Variants in RSF1 observed in about 807,000 individuals in gnomAD.
The protein encoded by RSF1 is remodeling and spacing factor 1, also known as HBV pX-associated protein 8.
RSF1 carries 13 observed loss-of-function variants against 145.2 expected under a neutral mutation model. The observed-to-expected ratio is 0.09, with a 90% CI of 0.06 to 0.14. RSF1 has a LOEUF of 0.14. RSF1 is among the 10% of genes least tolerant of loss of function. The pLI is 1.00. For missense variants in RSF1, 1,517 were observed against 1,718.2 expected (o/e 0.88, Z 2.07); for synonymous variants, 577 against 592.6 (o/e 0.97, Z 0.38).
chr11:77,855,188 G>A, the RSF1 span, among the ~76,000 whole-genome samples: 1 of 152,212 alleles, frequency 6.6e-6, no homozygotes, highest in Non-Finnish European at 1.5e-5. Flanking sequence ...GTGATGGGAG[G>A]AGCTACTGTG....
Position 77,667,862 on chromosome 11 carries a change from C to A in RSF1, c.3752-371G>T, listed in dbSNP as rs186186759. ...GGGATTACAGGCGCCAGCCACCACG[C>A]CTGGCTAACTTTTTGTATTTTTAGT... On this transcript the variant is annotated intron_variant, in intron 15 of 15. Coordinates refer to ENST00000308488, the MANE Select transcript of RSF1 (RefSeq NM_016578.4). Among the ~76,000 whole-genome samples, 277 of 152,176 alleles carry A rather than the reference C, an allele frequency of 1.8e-3. 3 individuals carry two copies. The highest frequency in any genetic ancestry group is 6.4e-3 in the African/African-American group (264 of 41,524).
chr11:77,865,465 AAG>A, the RSF1 span, among the ~76,000 whole-genome samples: 7 of 152,348 alleles, frequency 4.6e-5, no homozygotes, highest in South Asian at 1.4e-3. Context: ...AGGAAGAGGA[AAG>A]AGAAGAAAAG....
intron 5 of RSF1, among the ~76,000 whole-genome samples, chr11:77,712,195 C>T (rs1288706115): frequency 6.6e-6 from 1 of 152,186 alleles, no homozygotes; most frequent in Admixed American, 6.5e-5. Flanking sequence ...AACTGAATCA[C>T]GGGGGTGGTT....
intron 5 of RSF1, among the ~76,000 whole-genome samples, chr11:77,724,652 G>C (rs1026028736): frequency 2.0e-5 from 3 of 152,104 alleles, no homozygotes; most frequent in South Asian, 2.1e-4. Context: ...GAGGTGGGCT[G>C]GGGGGATGGT....
At chr11:77,795,179 G>A (rs1590891667) in intron 1 of RSF1, among the ~76,000 whole-genome samples, 1 of 152,202 alleles carries the variant, frequency 6.6e-6, no homozygotes, top group Admixed American at 6.5e-5. Flanking sequence ...ATAAAACACT[G>A]ACTGAAAGAA....
intron 1 of RSF1, among the ~76,000 whole-genome samples, chr11:77,799,759 C>A (rs892834478): frequency 2.0e-5 from 3 of 152,050 alleles, no homozygotes; most frequent in African/African-American, 7.2e-5. Context: ...ATTGATAAAC[C>A]TTTAACTAGA....
At chr11:77,769,874 C>G (rs1464373857) in intron 1 of RSF1, among the ~76,000 whole-genome samples, 1 of 152,168 alleles carries the variant, frequency 6.6e-6, no homozygotes, top group Non-Finnish European at 1.5e-5. Flanking sequence ...GTTATGGAAA[C>G]AGTTGACACT....
intron 1 of RSF1, among the ~76,000 whole-genome samples, 175 bp downstream of exon 1, chr11:77,820,353 C>A (rs2136000120): frequency 6.6e-6 from 1 of 152,376 alleles, no homozygotes; most frequent in Non-Finnish European, 1.5e-5. Context: ...CCCGCCTCCC[C>A]ACTGCCCAAG....
At chr11:77,753,139 T>A (rs1292567328) in intron 2 of RSF1, among the ~76,000 whole-genome samples, 1 of 152,238 alleles carries the variant, frequency 6.6e-6, no homozygotes, top group Non-Finnish European at 1.5e-5. Flanking sequence ...CTTTTATTCC[T>A]TTATTTCTTA....
At chr11:77,861,736 G>A in the RSF1 span, among the ~76,000 whole-genome samples, 1 of 152,152 alleles carries the variant, frequency 6.6e-6, no homozygotes, top group African/African-American at 2.4e-5. Context: ...TAGCCTTTCC[G>A]TGTTCCAGAG....
chr11:77,833,922 A>G, the RSF1 span, among the ~76,000 whole-genome samples: 1 of 152,184 alleles, frequency 6.6e-6, no homozygotes, highest in South Asian at 2.1e-4. Flanking sequence ...AGAGTTATAC[A>G]TGTTAGAAGC....
intron 6 of RSF1, among the ~76,000 whole-genome samples, chr11:77,699,055 G>A (rs1473039817): frequency 6.6e-6 from 1 of 152,002 alleles, no homozygotes; most frequent in Non-Finnish European, 1.5e-5. Context: ...CGTCAACAAT[G>A]TACTGTATCT....
At chr11:77,860,128 T>C in the RSF1 span, among the ~76,000 whole-genome samples, 1 of 152,224 alleles carries the variant, frequency 6.6e-6, no homozygotes, top group African/African-American at 2.4e-5. Context: ...ATCCCTGTTT[T>C]TTCTGTGATA....
At chr11:77,711,065 G>T (rs973750279) in intron 5 of RSF1, among the ~76,000 whole-genome samples, 5 of 148,212 alleles carry the variant, frequency 3.4e-5, no homozygotes, top group Non-Finnish European at 7.4e-5. Context: ...GTTTACCAAT[G>T]TCTCTAAGCC....
chr11:77,667,173 A>G lies in RSF1; in HGVS notation c.4070T>C (p.Val1357Ala), dbSNP rs966788949. ...TAAGCTATAGTCCAATGGGCTCCCC[A>G]CTTTGCCTACATTTTCAAAGTCCTC... ...EEEDFENVGK[V>A]GSPLDYSLVD... Residue 1357 changes from valine to alanine, a missense_variant, in exon 16 of 16, where the codon GTG (valine) becomes GCG (alanine). Physicochemically the swap from Val to Ala is moderately conservative, Grantham distance 64 (BLOSUM62 0). This residue lies in a region of RSF1 where 240 missense variants were observed against 231.8 expected (regional missense o/e 1.04). Transcript: ENST00000308488. 3.1e-6 allele frequency: 5 copies of G among 1,613,996 alleles called. No homozygotes were observed. In the African/African-American group the frequency reaches 6.7e-5, roughly 22 times the overall value.
At chr11:77,846,358 C>G in the RSF1 span, among the ~76,000 whole-genome samples, 1 of 152,180 alleles carries the variant, frequency 6.6e-6, no homozygotes, top group East Asian at 1.9e-4. Context: ...GTGGCTCACG[C>G]CTGTGATCAC....
chr11:77,814,692 G>A (rs113740785), intron 1 of RSF1, among the ~76,000 whole-genome samples: 21,368 of 152,018 alleles, frequency 0.14, 1,723 homozygotes, highest in Admixed American at 0.2. Flanking sequence ...GTGATCCGCC[G>A]CCTGGGCCTC....
intron 1 of RSF1, among the ~76,000 whole-genome samples, chr11:77,766,299 G>A (rs180692998): frequency 2.0e-4 from 31 of 152,292 alleles, no homozygotes; most frequent in Admixed American, 1.8e-3. Context: ...CTGAGGGACA[G>A]GTTGGGAAAT....
At chr11:77,798,619 A>ACC (rs1948596563) in intron 1 of RSF1, among the ~76,000 whole-genome samples, 2 of 119,398 alleles carry the variant, frequency 1.7e-5, no homozygotes, top group African/African-American at 6.4e-5. Context: ...AAAAAAAAAA[A>ACC]AAAGGCACAT....
Sources: allele counts gnomAD v4.1 joint callset (sites outside exome capture counted in the v4.1 genomes callset), GRCh38; gene constraint gnomAD v4.1.1; regional missense constraint gnomAD v4.1.1; transcripts MANE v1.5; gene names NCBI Gene and HGNC (gene_info 2026-07-23, HGNC 2026-07-21).